Variants in LRRTM4 observed in about 807,000 individuals in gnomAD.
The protein encoded by LRRTM4 is leucine rich repeat transmembrane neuronal 4, also known as leucine-rich repeat transmembrane neuronal protein 4.
LRRTM4 carries 25 observed loss-of-function variants against 47.6 expected under a neutral mutation model. The ratio of observed to expected loss-of-function variants is 0.53; its 90% CI spans 0.38 to 0.73. The LOEUF (loss-of-function observed/expected upper bound fraction) is 0.73, where lower values mean the gene tolerates loss of function less well. Ranked by LOEUF, LRRTM4 falls within the 30% of genes least tolerant of loss-of-function variation. The pLI is 0.00. For missense variants in LRRTM4, 638 were observed against 713.4 expected (o/e 0.89, Z 1.20); for synonymous variants, 311 against 269.5 (o/e 1.15, Z -1.51).
chr2:77,115,397 T>C (rs533963575), intron 3 of LRRTM4, among the ~76,000 whole-genome samples: 1 of 152,324 alleles, frequency 6.6e-6, no homozygotes, highest in South Asian at 2.1e-4. Context: ...CTACAATCAA[T>C]TTGTGCAATA....
At chr2:76,945,670 A>G (rs1239295187) in intron 3 of LRRTM4, among the ~76,000 whole-genome samples, 1 of 152,058 alleles carries the variant, frequency 6.6e-6, no homozygotes, top group East Asian at 1.9e-4. Flanking sequence ...AAGAAAAACA[A>G]TGAAACATTA....
At chr2:77,335,039 C>T (rs959773979) in intron 3 of LRRTM4, among the ~76,000 whole-genome samples, 1 of 152,058 alleles carries the variant, frequency 6.6e-6, no homozygotes, top group African/African-American at 2.4e-5. Context: ...TTTCCTTTTC[C>T]TTTCTCATTT....
chr2:77,079,659 T>C (rs988930391), intron 3 of LRRTM4, among the ~76,000 whole-genome samples: 24 of 152,176 alleles, frequency 1.6e-4, no homozygotes, highest in African/African-American at 5.8e-4. Flanking sequence ...ATCTCAAATA[T>C]TTATTGTGTG....
intron 3 of LRRTM4, among the ~76,000 whole-genome samples, chr2:76,843,573 AT>A (rs1250877029): frequency 6.6e-6 from 1 of 152,208 alleles, no homozygotes; most frequent in African/African-American, 2.4e-5. Context: ...ACAATAAATT[AT>A]TTTTGTACAT....
At chr2:77,116,092 G>C (rs1180293010) in intron 3 of LRRTM4, among the ~76,000 whole-genome samples, 3 of 151,984 alleles carry the variant, frequency 2.0e-5, no homozygotes, top group African/African-American at 7.3e-5. Flanking sequence ...ACTTGCATTT[G>C]GATAACTCAA....
At chr2:76,837,234 C>G (rs896745717) in intron 3 of LRRTM4, among the ~76,000 whole-genome samples, 1 of 151,974 alleles carries the variant, frequency 6.6e-6, no homozygotes, top group Admixed American at 6.6e-5. Context: ...GTGATATCCC[C>G]TTTATCATTT....
intron 3 of LRRTM4, among the ~76,000 whole-genome samples, chr2:77,297,900 C>T (rs1353573791): frequency 1.3e-5 from 2 of 152,192 alleles, no homozygotes; most frequent in Non-Finnish European, 2.9e-5. Flanking sequence ...AAGACTTATT[C>T]ACCTACAAAG....
At chr2:76,854,140 C>T (rs985988643) in intron 3 of LRRTM4, among the ~76,000 whole-genome samples, 20 of 152,120 alleles carry the variant, frequency 1.3e-4, no homozygotes, top group Middle Eastern at 3.4e-3. Flanking sequence ...AATTACATTA[C>T]GAGAAGATGA....
At chr2:76,889,542 T>C (rs1673184349) in intron 3 of LRRTM4, among the ~76,000 whole-genome samples, 2 of 152,056 alleles carry the variant, frequency 1.3e-5, no homozygotes, top group South Asian at 2.1e-4. Flanking sequence ...ATGAAGATGA[T>C]GATGATAGAG....
chr2:77,046,150 T>C (rs1168438688), intron 3 of LRRTM4, among the ~76,000 whole-genome samples: 1 of 151,986 alleles, frequency 6.6e-6, no homozygotes, highest in Non-Finnish European at 1.5e-5. Flanking sequence ...CTTGGTTTGA[T>C]TGCAGTTCAA....
intron 3 of LRRTM4, among the ~76,000 whole-genome samples, chr2:77,478,692 T>C (rs1279207068): frequency 6.6e-6 from 1 of 152,162 alleles, no homozygotes; most frequent in Non-Finnish European, 1.5e-5. Flanking sequence ...CTAGATAAAA[T>C]GAAGTTCTAT....
chr2:76,972,961 G>A (rs1175575564), intron 3 of LRRTM4, among the ~76,000 whole-genome samples: 1 of 151,952 alleles, frequency 6.6e-6, no homozygotes, highest in African/African-American at 2.4e-5. Flanking sequence ...TTAAAAAGCA[G>A]TCTATAGTAT....
At chr2:77,277,429 T>C (rs1338609806) in intron 3 of LRRTM4, among the ~76,000 whole-genome samples, 7 of 152,024 alleles carry the variant, frequency 4.6e-5, no homozygotes, top group African/African-American at 1.7e-4. Flanking sequence ...TTATAAAAAA[T>C]AGAGATTAAA....
At chr2:76,880,798 A>G (rs929439116) in intron 3 of LRRTM4, among the ~76,000 whole-genome samples, 1 of 152,172 alleles carries the variant, frequency 6.6e-6, no homozygotes, top group African/African-American at 2.4e-5. Flanking sequence ...AACTACAACA[A>G]TATCAGCAAT....
At chr2:77,172,137 A>G (rs1330671317) in intron 3 of LRRTM4, among the ~76,000 whole-genome samples, 5 of 152,222 alleles carry the variant, frequency 3.3e-5, no homozygotes, top group Non-Finnish European at 7.3e-5. Flanking sequence ...ACTGATAAAA[A>G]TCTAAAATAA....
intron 3 of LRRTM4, among the ~76,000 whole-genome samples, chr2:76,938,903 G>A (rs1057459962): frequency 3.3e-5 from 5 of 151,960 alleles, no homozygotes; most frequent in African/African-American, 7.2e-5. Context: ...TATATATAGT[G>A]GTAAACTAGT....
intron 3 of LRRTM4, among the ~76,000 whole-genome samples, chr2:77,043,372 T>C (rs889036823): frequency 1.1e-4 from 17 of 151,760 alleles, no homozygotes; most frequent in Admixed American, 9.2e-4. Flanking sequence ...GATTTGGGCA[T>C]TGTCTTCGCA....
chr2:76,813,210 A>G (rs1488760986), intron 3 of LRRTM4, among the ~76,000 whole-genome samples: 4 of 152,126 alleles, frequency 2.6e-5, no homozygotes, highest in African/African-American at 4.8e-5. Context: ...GAATACATGT[A>G]TATGTGTATA....
chr2:77,363,069 C>A (rs192826904), intron 3 of LRRTM4, among the ~76,000 whole-genome samples: 55 of 152,272 alleles, frequency 3.6e-4, no homozygotes, highest in Non-Finnish European at 6.8e-4. Flanking sequence ...GGTCTAAGAT[C>A]AGTAAGGGTT....
Sources: allele counts gnomAD v4.1 joint callset (sites outside exome capture counted in the v4.1 genomes callset), GRCh38; gene constraint gnomAD v4.1.1; transcripts MANE v1.5; gene names NCBI Gene and HGNC (gene_info 2026-07-23, HGNC 2026-07-21).